The following ERBB4 variants were observed in gnomAD, a reference collection of about 807,000 sequenced individuals.
ERBB4 encodes receptor tyrosine-protein kinase erbB-4.
A neutral mutation model predicts 158.0 loss-of-function variants in ERBB4; 42 were observed. That is an observed-to-expected ratio of 0.27 (90% CI 0.21 to 0.34). ERBB4 has a LOEUF of 0.34. Ranked by LOEUF, ERBB4 falls within the 10% of genes least tolerant of loss-of-function variation. The pLI, the probability that ERBB4 is intolerant of heterozygous loss-of-function variation, is 1.00. For missense variants in ERBB4, 1,333 were observed against 1,624.1 expected (o/e 0.82, Z 3.08); for synonymous variants, 583 against 558.7 (o/e 1.04, Z -0.61).
intron 25 of ERBB4, among the ~76,000 whole-genome samples, chr2:211,404,830 G>A (rs2063116888): frequency 6.6e-6 from 1 of 152,060 alleles, no homozygotes; most frequent in Admixed American, 6.6e-5. Flanking sequence ...TCTATGAAGT[G>A]ACCCCTTCAA....
rs114814501 is a variant in ERBB4 at position 212,288,120 on chromosome 2, T to C, written c.83-163217A>G. 6.6e-3 allele frequency among the ~76,000 whole-genome samples: 1,006 copies of C among 152,156 alleles called. 11 individuals are homozygous for C. Among genetic ancestry groups the C allele is most frequent in the African/African-American group, 0.022 (918 of 41,532 alleles). On this transcript the variant is annotated intron_variant, in intron 1 of 27. Transcript: ENST00000342788. ...GAAAATCAGAGTTGAGATTTTAAGA[T>C]AGTAAGAGTGTCCTGCTGACATGAG...
intron 3 of ERBB4, among the ~76,000 whole-genome samples, chr2:211,856,440 C>T (rs943499067): frequency 1.3e-5 from 2 of 151,870 alleles, no homozygotes; most frequent in Non-Finnish European, 2.9e-5. Flanking sequence ...GGCTGGAGTG[C>T]AGTGGCACAA....
chr2:211,755,297 T>A (rs919814930), intron 4 of ERBB4, among the ~76,000 whole-genome samples: 1 of 152,058 alleles, frequency 6.6e-6, no homozygotes, highest in African/African-American at 2.4e-5. Context: ...AGCCCAAGAG[T>A]TCCAAACCAG....
intron 1 of ERBB4, among the ~76,000 whole-genome samples, chr2:212,252,645 T>C (rs1012789623): frequency 3.9e-5 from 6 of 152,088 alleles, no homozygotes; most frequent in Non-Finnish European, 7.4e-5. Context: ...AGGGGAAAAA[T>C]TGGGGTCCAA....
intron 9 of ERBB4, among the ~76,000 whole-genome samples, chr2:211,710,707 T>C (rs1473785822): frequency 6.6e-6 from 1 of 152,158 alleles, no homozygotes; most frequent in East Asian, 1.9e-4. Flanking sequence ...TCCCACGCTG[T>C]TCTCATGATA....
chr2:211,905,763 T>TATATAC lies in ERBB4; in HGVS notation c.421+41666_421+41667insGTATAT, dbSNP rs566719974. Among the ~76,000 whole-genome samples, 1,275 of 141,480 alleles carry TATATAC rather than the reference T, an allele frequency of 9.0e-3. 34 individuals are homozygous for TATATAC. The highest frequency in any genetic ancestry group is 0.032 in the African/African-American group (1,229 of 37,824). The allele number at this position is 141,480 out of a possible 152,430, so 92.8% of individuals were successfully genotyped here. On this transcript the variant is annotated intron_variant, in intron 3 of 27. Transcript: ENST00000342788. Reference sequence around the variant, plus strand: ...GTGTGTGTATATATATATATATATATACTATTATGTATACAACACATAGGA... The same window carrying TATATAC: ...GTGTGTGTATATATATATATATATATATATACACTATTATGTATACAACACATAGGA...
chr2:211,827,151 T>C (rs1368511121), intron 3 of ERBB4, among the ~76,000 whole-genome samples: 1 of 151,986 alleles, frequency 6.6e-6, no homozygotes, highest in Non-Finnish European at 1.5e-5. Context: ...TGTTAGACTC[T>C]TACCCTACCC....
chr2:212,377,198 AAT>A (rs142598921), intron 1 of ERBB4, among the ~76,000 whole-genome samples: 13 of 146,790 alleles, frequency 8.9e-5, no homozygotes, highest in Non-Finnish European at 1.4e-4. Flanking sequence ...GTTCCTGGCA[AAT>A]ATATATATAT....
At chr2:212,492,466 T>A (rs900336696) in intron 1 of ERBB4, among the ~76,000 whole-genome samples, 3 of 151,402 alleles carry the variant, frequency 2.0e-5, no homozygotes, top group African/African-American at 7.2e-5. Flanking sequence ...TTATTCTACA[T>A]AAAAGAAAGA....
chr2:212,366,668 C>T (rs565796284), intron 1 of ERBB4, among the ~76,000 whole-genome samples: 11 of 151,980 alleles, frequency 7.2e-5, no homozygotes, highest in South Asian at 2.1e-4. Flanking sequence ...ACATAAGATA[C>T]ATAACTTAGA....
intron 3 of ERBB4, among the ~76,000 whole-genome samples, chr2:211,926,284 C>T (rs2080020058): frequency 6.6e-6 from 1 of 152,120 alleles, no homozygotes; most frequent in South Asian, 2.1e-4. Flanking sequence ...TAATTGTCTC[C>T]ACCACGCCTA....
At chr2:211,690,140 TTAAG>T (rs2072744932) in intron 12 of ERBB4, among the ~76,000 whole-genome samples, 1 of 151,232 alleles carries the variant, frequency 6.6e-6, no homozygotes, top group African/African-American at 2.4e-5. Context: ...AGCAGTTGTC[TTAAG>T]TTAGTGTTCT....
chr2:211,388,085 G>A (rs74488776), intron 25 of ERBB4, 93 bp from the exon 26 acceptor site: 13,608 of 927,090 alleles, frequency 0.015, 162 homozygotes, highest in Non-Finnish European at 0.021. Flanking sequence ...AGCCACATGG[G>A]TCGTATGAAC....
chr2:211,630,152 T>A (rs896488198), intron 17 of ERBB4, among the ~76,000 whole-genome samples: 1 of 152,170 alleles, frequency 6.6e-6, no homozygotes, highest in African/African-American at 2.4e-5. Context: ...ATTTTCTAGA[T>A]CTGCTGCTAT....
chr2:211,376,704 T>A lies in ERBB4; in HGVS notation c.*6911A>T, dbSNP rs559396581. ...TACTTTGATGCATGTATAAGATGAA[T>A]GTTTGAGAGTAGATTTAAGATGACT... On this transcript the variant is annotated 3_prime_UTR_variant, in exon 28 of 28. Transcript: ENST00000342788. The A allele has an allele frequency of 1.7e-5, 4 of 233,138 alleles. No homozygotes were observed. In the East Asian group the frequency reaches 2.4e-4, roughly 14 times the overall value. 14.4% of individuals were successfully genotyped at this position (233,138 alleles called of 1,614,324 possible).
At chr2:211,744,897 T>A (rs1001996933) in intron 5 of ERBB4, among the ~76,000 whole-genome samples, 3 of 152,256 alleles carry the variant, frequency 2.0e-5, no homozygotes, top group Non-Finnish European at 4.4e-5. Flanking sequence ...ATCATGAAGC[T>A]GAATACTTCC....
Position 212,366,868 on chromosome 2 carries a change from T to C in ERBB4, c.82+171581A>G, listed in dbSNP as rs144583337. ...ATTTTTAAATAAACAATGATTACTA[T>C]AGTTGTATAAATGAATCCAAAATTG... On this transcript the variant is annotated intron_variant, in intron 1 of 27. Coordinates refer to ENST00000342788, the MANE Select transcript of ERBB4 (RefSeq NM_005235.3). Among the ~76,000 whole-genome samples, 235 of 152,164 alleles carry C rather than the reference T, an allele frequency of 1.5e-3. 2 individuals carry two copies. Among genetic ancestry groups the C allele is most frequent in the African/African-American group, 5.3e-3 (221 of 41,560 alleles).
intron 25 of ERBB4, among the ~76,000 whole-genome samples, chr2:211,409,015 CT>C (rs1262787301): frequency 1.3e-5 from 2 of 152,036 alleles, no homozygotes; most frequent in African/African-American, 4.8e-5. Context: ...ACGAAAAAGG[CT>C]TCATAAAATT....
intron 1 of ERBB4, among the ~76,000 whole-genome samples, chr2:212,365,520 T>C (rs2089856196): frequency 6.6e-6 from 1 of 151,876 alleles, no homozygotes; most frequent in Admixed American, 6.6e-5. Context: ...CCAGTCAAAC[T>C]AAATTGACTG....
Sources: allele counts gnomAD v4.1 joint callset (sites outside exome capture counted in the v4.1 genomes callset), GRCh38; gene constraint gnomAD v4.1.1; transcripts MANE v1.5; gene names NCBI Gene and HGNC (gene_info 2026-07-23, HGNC 2026-07-21).